ANGPT1: variants seen among roughly 807,000 people sequenced by gnomAD.
ANGPT1 encodes the protein angiopoietin-1.
A neutral mutation model predicts 62.2 loss-of-function variants in ANGPT1; 17 were observed. The observed-to-expected ratio is 0.27, with a 90% CI of 0.19 to 0.41. The LOEUF (loss-of-function observed/expected upper bound fraction) is 0.41, where lower values mean the gene tolerates loss of function less well. Ranked by LOEUF, ANGPT1 falls within the 10% of genes least tolerant of loss-of-function variation. ANGPT1 has a pLI of 1.00. For missense variants in ANGPT1, 478 were observed against 594.9 expected, an observed-to-expected ratio of 0.80 and a Z score of 2.04; for synonymous variants, 199 against 198.9, an observed-to-expected ratio of 1.00 and a Z score of 0.00.
chr8:107,372,772 T>C (rs1344618404), intron 1 of ANGPT1, among the ~76,000 whole-genome samples: 1 of 151,794 alleles, frequency 6.6e-6, no homozygotes, highest in Admixed American at 6.6e-5. Flanking sequence ...TCTTGGTTAG[T>C]AGCTCACCGA....
At chr8:107,430,959 T>C (rs1221531366) in intron 1 of ANGPT1, among the ~76,000 whole-genome samples, 1 of 152,234 alleles carries the variant, frequency 6.6e-6, no homozygotes, top group African/African-American at 2.4e-5. Flanking sequence ...GCAGCAATTA[T>C]TTGAAAGGTG....
At chr8:107,272,666 C>T (rs532887505) in intron 7 of ANGPT1, among the ~76,000 whole-genome samples, 6 of 151,594 alleles carry the variant, frequency 4.0e-5, no homozygotes, top group South Asian at 2.1e-4. Flanking sequence ...AGCAAACCCA[C>T]GTACTGTTAT....
chr8:107,361,794 C>T (rs926380885), intron 1 of ANGPT1, among the ~76,000 whole-genome samples: 2 of 152,066 alleles, frequency 1.3e-5, no homozygotes, highest in African/African-American at 4.8e-5. Context: ...CGCAGTGGCT[C>T]ATACCTGTAA....
intron 2 of ANGPT1, among the ~76,000 whole-genome samples, chr8:107,341,982 C>G (rs1002291616): frequency 1.3e-5 from 2 of 152,270 alleles, no homozygotes; most frequent in East Asian, 1.9e-4. Flanking sequence ...ATCCAACTCT[C>G]TCTCCCTGCC....
intron 5 of ANGPT1, among the ~76,000 whole-genome samples, chr8:107,300,606 T>C (rs1814563905): frequency 6.6e-6 from 1 of 151,858 alleles, no homozygotes. Context: ...CTTCTCCTTC[T>C]TCTCTCTGAA....
intron 3 of ANGPT1, among the ~76,000 whole-genome samples, chr8:107,331,850 G>A (rs1299735131): frequency 6.6e-6 from 1 of 152,104 alleles, no homozygotes; most frequent in Non-Finnish European, 1.5e-5. Context: ...TGCATACTCA[G>A]CACAATCAAG....
chr8:107,420,581 GAGA>G (rs780435552), intron 1 of ANGPT1, among the ~76,000 whole-genome samples: 51 of 152,196 alleles, frequency 3.4e-4, no homozygotes, highest in Non-Finnish European at 5.3e-4. Context: ...CAATCAGACG[GAGA>G]AGAACAGCCT....
chr8:107,425,119 C>A (rs1811006248), intron 1 of ANGPT1, among the ~76,000 whole-genome samples: 1 of 152,208 alleles, frequency 6.6e-6, no homozygotes, highest in African/African-American at 2.4e-5. Flanking sequence ...GTGATCCACC[C>A]ACCTCAGCCT....
At chr8:107,461,930 T>C (rs1812082321) in intron 1 of ANGPT1, among the ~76,000 whole-genome samples, 1 of 152,066 alleles carries the variant, frequency 6.6e-6, no homozygotes, top group Admixed American at 6.6e-5. Context: ...AGCAAAGAAG[T>C]CCAGGAAGTG....
At chr8:107,440,080 C>G (rs1811434902) in intron 1 of ANGPT1, among the ~76,000 whole-genome samples, 1 of 152,024 alleles carries the variant, frequency 6.6e-6, no homozygotes, top group Non-Finnish European at 1.5e-5. Flanking sequence ...GGCAGAACAT[C>G]TAAGTAAAGA....
At chr8:107,468,393 AGTT>A (rs1812261182) in intron 1 of ANGPT1, among the ~76,000 whole-genome samples, 1 of 152,090 alleles carries the variant, frequency 6.6e-6, no homozygotes, top group South Asian at 2.1e-4. Context: ...AGATCAAACC[AGTT>A]GTTAGGCTGA....
At position 107,284,685 on chromosome 8, in the gene ANGPT1, T is replaced by G. The variant is rs2130135948; in HGVS notation, c.1202A>C (p.Tyr401Ser). The G allele has an allele frequency of 6.3e-7, 1 of 1,580,606 alleles. No individual in the cohort carries two copies. The highest frequency in any genetic ancestry group is 1.7e-4 in the Middle Eastern group (1 of 5,930). The change falls in exon 7 of 9, where the codon TAT (tyrosine) becomes TCT (serine). Residue 401 changes from tyrosine (Y) to serine (S), a missense_variant. By Grantham distance (144) the Tyr-to-Ser change is moderately radical. Transcript: ENST00000517746. Reference sequence around the variant, plus strand: ...ACTACACTGTAGCATGACTTACCTATAGTTTTGCTTTTCATTTCCTATGTG... The same window carrying G: ...ACTACACTGTAGCATGACTTACCTAGAGTTTTGCTTTTCATTTCCTATGTG... Reference protein sequence around the residue: ...RFHIGNEKQNYRLYLKGHTGT... With the variant: ...RFHIGNEKQNSRLYLKGHTGT...
At chr8:107,492,062 CT>C (rs1812972968) in intron 1 of ANGPT1, among the ~76,000 whole-genome samples, 1 of 151,970 alleles carries the variant, frequency 6.6e-6, no homozygotes, top group African/African-American at 2.4e-5. Context: ...TTTTTTGGAT[CT>C]TTTGATTCTA....
intron 1 of ANGPT1, among the ~76,000 whole-genome samples, chr8:107,355,540 C>T (rs1373427972): frequency 6.6e-6 from 1 of 151,924 alleles, no homozygotes; most frequent in African/African-American, 2.4e-5. Context: ...ACCCTCCCAC[C>T]CTACATGTAC....
intron 1 of ANGPT1, among the ~76,000 whole-genome samples, chr8:107,401,151 C>T (rs904545784): frequency 2.0e-5 from 3 of 152,082 alleles, no homozygotes; most frequent in African/African-American, 7.2e-5. Flanking sequence ...CCAAGAACCA[C>T]ATAAAATATT....
At chr8:107,277,747 A>G (rs765003480) in intron 7 of ANGPT1, among the ~76,000 whole-genome samples, 1 of 152,212 alleles carries the variant, frequency 6.6e-6, no homozygotes, top group Non-Finnish European at 1.5e-5. Context: ...ATCTGAATCT[A>G]ATCAGAAAGA....
intron 1 of ANGPT1, among the ~76,000 whole-genome samples, chr8:107,390,334 T>C (rs1235816585): frequency 6.6e-6 from 1 of 152,178 alleles, no homozygotes; most frequent in Non-Finnish European, 1.5e-5. Flanking sequence ...CACTTGTTTA[T>C]GATTGGAAAG....
intron 3 of ANGPT1, among the ~76,000 whole-genome samples, chr8:107,326,390 TACC>T (rs1236192255): frequency 6.6e-6 from 1 of 152,160 alleles, no homozygotes; most frequent in Non-Finnish European, 1.5e-5. Flanking sequence ...AGTAATTATC[TACC>T]AACTTTATTT....
At chr8:107,293,660 T>TC (rs1488452906) in intron 6 of ANGPT1, among the ~76,000 whole-genome samples, 1 of 151,906 alleles carries the variant, frequency 6.6e-6, no homozygotes, top group Non-Finnish European at 1.5e-5. Context: ...AGTTCTAGCT[T>TC]CCCCCACCCT....
Sources: allele counts gnomAD v4.1 joint callset (sites outside exome capture counted in the v4.1 genomes callset), GRCh38; gene constraint gnomAD v4.1.1; transcripts MANE v1.5; gene names NCBI Gene and HGNC (gene_info 2026-07-23, HGNC 2026-07-21).